SPEG: variants seen among roughly 807,000 people sequenced by gnomAD.
The protein encoded by SPEG is striated muscle preferentially expressed protein kinase.
SPEG carries 114 observed loss-of-function variants against 300.4 expected under a neutral mutation model. That is an observed-to-expected ratio of 0.38 (90% CI 0.33 to 0.44). The LOEUF is 0.44. Among genes scored for constraint, SPEG ranks in the 20% least tolerant of loss-of-function variants. The pLI is 1.00. For synonymous variants in SPEG, 1,964 were observed against 2,018.9 expected (o/e 0.97, Z 0.73); for missense variants, 4,201 against 4,586.2 (o/e 0.92, Z 2.43).
At chr2:219,453,793 TACCCTACAAGGC>T (rs1689958871) in intron 6 of SPEG, among the ~76,000 whole-genome samples, 1 of 152,234 alleles carries the variant, frequency 6.6e-6, no homozygotes, top group Admixed American at 6.5e-5. Context: ...CTGACTTTCT[TACCCTACAAGGC>T]ACTGTTTAGT....
intron 4 of SPEG, chr2:219,450,812 T>C (rs1689686472): frequency 4.9e-6 from 1 of 203,110 alleles, no homozygotes; most frequent in Non-Finnish European, 9.8e-6. Context: ...ACGCCATACA[T>C]GATGGCTGAC....
intron 10 of SPEG, 123 bp downstream of exon 10, chr2:219,467,557 TG>T: frequency 3.5e-6 from 4 of 1,156,742 alleles, no homozygotes; most frequent in Non-Finnish European, 3.7e-6. Context: ...CGGGGGAGGG[TG>T]GGAGCTAGTA....
At chr2:219,467,470 G>C (rs1691476812) in intron 10 of SPEG, 36 bp downstream of exon 10, 3 of 1,573,412 alleles carry the variant, frequency 1.9e-6, no homozygotes, top group Non-Finnish European at 2.6e-6. Flanking sequence ...TGCCGTGGGT[G>C]CCCAAGAGCT....
Position 219,473,347 on chromosome 2 carries a change from G to T in SPEG, c.4148-157G>T. The T allele has an allele frequency of 1.2e-6, 1 of 827,384 alleles. No individual in the cohort carries two copies. Among genetic ancestry groups the T allele is most frequent in the Non-Finnish European group, 1.9e-6 (1 of 526,648 alleles). The allele number at this position is 827,384 out of a possible 1,614,324, so 51.3% of individuals were successfully genotyped here. ...ACAACCTCAGCTTTGCTGCTCTCTG[G>T]CTGTGTTCCCCTGACAAATCGCTAA... On this transcript the variant is annotated intron_variant, in intron 16 of 40. Transcript: ENST00000312358. The surrounding 1 kb of genome is among the most constrained non-coding windows in gnomAD (Gnocchi z 4.6).
intron 13 of SPEG, among the ~76,000 whole-genome samples, chr2:219,470,208 G>A (rs1691747642): frequency 6.6e-6 from 1 of 152,196 alleles, no homozygotes; most frequent in Non-Finnish European, 1.5e-5. Flanking sequence ...CTATAAGGCG[G>A]ATACTATTAG....
intron 1 of SPEG, among the ~76,000 whole-genome samples, chr2:219,440,561 T>TTTTTTTTA (rs1553605123): frequency 7.0e-6 from 1 of 143,580 alleles, no homozygotes; most frequent in African/African-American, 2.6e-5. Flanking sequence ...ATTTATTTTA[T>TTTTTTTTA]TTTATTTATT....
rs1427141501 is a variant in SPEG at position 219,479,060 on chromosome 2, C to G, written c.5028-84C>G. ...CATTCTGTAAGGGGAAGGAGAACCC[C>G]GTGCTGAGCTGGGACCTGCCCTGAG... is the stretch of plus-strand genomic sequence containing the variant. On this transcript the variant is annotated intron_variant, in intron 22 of 40. Coordinates refer to ENST00000312358, the MANE Select transcript of SPEG (RefSeq NM_005876.5). This position sits in a 1 kb window ranked among gnomAD's most constrained non-coding sequence, Gnocchi z 5.5. The G allele has an allele frequency of 9.0e-6, 11 of 1,222,038 alleles. No individual in the cohort carries two copies. In the Admixed American group the frequency reaches 1.9e-4, roughly 21 times the overall value. The allele number at this position is 1,222,038 out of a possible 1,614,324, so 75.7% of individuals were successfully genotyped here. A position where few individuals can be genotyped will look rare whatever the true frequency, so the allele number is the denominator to read the frequency against.
chr2:219,435,521 G>C (rs1483988793), intron 1 of SPEG, among the ~76,000 whole-genome samples, 156 bp downstream of exon 1: 1 of 152,222 alleles, frequency 6.6e-6, no homozygotes, highest in Admixed American at 6.5e-5. Context: ...GAAGTGAGAC[G>C]AAGAGCCAAG....
At chr2:219,472,738 G>A (rs1278937971) in intron 15 of SPEG, 152 bp from the exon 16 acceptor site, 2 of 637,864 alleles carry the variant, frequency 3.1e-6, no homozygotes, top group Non-Finnish European at 5.4e-6. Flanking sequence ...GGCTGGGCAA[G>A]AGCAGATGGG....
At chr2:219,452,561 T>C (rs1689845662) in intron 6 of SPEG, among the ~76,000 whole-genome samples, 1 of 151,858 alleles carries the variant, frequency 6.6e-6, no homozygotes, top group Non-Finnish European at 1.5e-5. Context: ...GAAAACACAC[T>C]CAACCCTCAA....
In SPEG at chr2:219,451,817, C is replaced by T. The variant is rs1005832627; in HGVS notation, c.2440+10C>T. 12 of 1,523,532 alleles carry T rather than the reference C, an allele frequency of 7.9e-6. No homozygotes were observed. Among genetic ancestry groups the T allele is most frequent in the Non-Finnish European group, 1.1e-5 (12 of 1,130,858 alleles). 94.4% of individuals were successfully genotyped at this position (1,523,532 alleles called of 1,614,324 possible). A position where few individuals can be genotyped will look rare whatever the true frequency, so the allele number is the denominator to read the frequency against. On this transcript the variant is annotated intron_variant, in intron 6 of 40. Coordinates refer to ENST00000312358, the MANE Select transcript of SPEG (RefSeq NM_005876.5). This position sits in a 1 kb window ranked among gnomAD's most constrained non-coding sequence, Gnocchi z 6.4. ...CTGACCGTGAGACCCGGTAGGGAGC[C>T]CATCAACCCTGGGGCTGGGTGGGGG... is the stretch of plus-strand genomic sequence containing the variant.
chr2:219,440,987 G>T (rs1357065166), intron 1 of SPEG, among the ~76,000 whole-genome samples: 1 of 152,258 alleles, frequency 6.6e-6, no homozygotes, highest in Non-Finnish European at 1.5e-5. Flanking sequence ...TTGACTAAGT[G>T]ATAGGACTTC....
Position 219,448,579 on chromosome 2 carries a change from C to T in SPEG, c.1421C>T (p.Ala474Val). Reference protein sequence around the residue: ...AERRRLFQQKAASLDERTRQR... With the variant: ...AERRRLFQQKVASLDERTRQR... ...CGGCGCCGCCTGTTCCAGCAGAAAG[C>T]GGCCTCGCTGGACGAGCGCACGCGT... Residue 474 changes from alanine (A) to valine (V), a missense_variant, in exon 4 of 41, where the codon GCG becomes GTG. By Grantham distance (64) the Ala-to-Val change is moderately conservative. Transcript: ENST00000312358. 1.4e-6 allele frequency: 2 copies of T among 1,452,530 alleles called. No individual in the cohort carries two copies. The highest frequency in any genetic ancestry group is 2.9e-5 in the East Asian group (1 of 34,200). The allele number at this position is 1,452,530 out of a possible 1,614,324, so 90.0% of individuals were successfully genotyped here.
Position 219,444,662 on chromosome 2 carries a change from C to T in SPEG, c.398C>T (p.Thr133Met), listed in dbSNP as rs758282857. ...LTVLEVGDSETAEDDISDVQG... is the reference protein window; with the variant it reads ...LTVLEVGDSEMAEDDISDVQG... ...ACCCCTTCTTCTCCAGACTCAGAGA[C>T]GGCTGAGGATGACATCAGCGATGTG... Residue 133 changes from threonine (T) to methionine (M), a missense_variant, in exon 2 of 41, where the codon ACG becomes ATG. Around this residue, in one of 4 missense-constraint regions of SPEG, gnomAD observed 1,258 missense variants for 1,293.9 expected, o/e 0.97. Transcript: ENST00000312358. This position sits in a 1 kb window ranked among gnomAD's most constrained non-coding sequence, Gnocchi z 7.8. The T allele has an allele frequency of 7.4e-6, 12 of 1,613,776 alleles. No homozygotes were observed. The highest frequency in any genetic ancestry group is 1.3e-5 in the African/African-American group (1 of 74,904).
rs1211029922 is a variant in SPEG at position 219,483,083 on chromosome 2, G to GTA, written c.5635-14_5635-13dup. The GTA allele has an allele frequency of 2.5e-6, 4 of 1,600,532 alleles. No individual in the cohort carries two copies. The African/African-American group carries it at 5.4e-5, about 21-fold the overall frequency. Reference sequence around the variant, plus strand: ...CAGGGGTCCCTCAGGTCTGACTCCAGTACCCTGTCTCCAGCGCTCCCAGAT... The same window carrying GTA: ...CAGGGGTCCCTCAGGTCTGACTCCAGTATACCCTGTCTCCAGCGCTCCCAGAT... On this transcript the variant is annotated splice_polypyrimidine_tract_variant and intron_variant, in intron 29 of 40. Coordinates refer to ENST00000312358, the MANE Select transcript of SPEG (RefSeq NM_005876.5).
chr2:219,443,356 CT>C lies in SPEG; in HGVS notation c.389-1296del. On this transcript the variant is annotated intron_variant, in intron 1 of 40. Transcript: ENST00000312358. This position sits in a 1 kb window ranked among gnomAD's most constrained non-coding sequence, Gnocchi z 4.6. ...ACCCAGCAGAAGGGAGGGCGGCTCA[CT>C]AGCACACCCCTGCATGGACTGGGTG... The C allele has an allele frequency of 1.6e-6, 1 of 640,140 alleles. No individual in the cohort carries two copies. The highest frequency in any genetic ancestry group is 2.9e-6 in the Non-Finnish European group (1 of 348,904). The allele number at this position is 640,140 out of a possible 1,614,324, so 39.7% of individuals were successfully genotyped here.
chr2:219,477,781 G>C lies in SPEG; in HGVS notation c.4822G>C (p.Gly1608Arg), dbSNP rs1289884424. The change falls in exon 21 of 41, where the codon GGC (glycine) becomes CGC (arginine). Residue 1608 changes from glycine (G) to arginine (R), a missense_variant. Physicochemically the swap from Gly to Arg is moderately radical, Grantham distance 125. Coordinates refer to ENST00000312358, the MANE Select transcript of SPEG (RefSeq NM_005876.5). The surrounding 1 kb of genome is among the most constrained non-coding windows in gnomAD (Gnocchi z 6.4). ...SDFYDIHQEIGRGAFSYLRRI... is the reference protein window; with the variant it reads ...SDFYDIHQEIRRGAFSYLRRI... ...CTTTTATGACATCCACCAGGAGATC[G>C]GCAGGTGTGGGGCTAGGAGGGAAGC... 6.2e-7 allele frequency: 1 copy of C among 1,606,690 alleles called. No individual in the cohort carries two copies. The highest frequency in any genetic ancestry group is 8.5e-7 in the Non-Finnish European group (1 of 1,175,546).
chr2:219,463,599 G>A (rs1690957056), intron 8 of SPEG, among the ~76,000 whole-genome samples: 1 of 150,942 alleles, frequency 6.6e-6, no homozygotes, highest in African/African-American at 2.4e-5. Flanking sequence ...TTTTTGTAGA[G>A]GCAGGGTTTC....
rs1223081979 is a variant in SPEG, at chr2:219,477,389, C to T, written c.4673C>T (p.Thr1558Ile). 3 of 1,609,294 alleles carry T rather than the reference C, an allele frequency of 1.9e-6. No homozygotes were observed. Among genetic ancestry groups the T allele is most frequent in the South Asian group, 2.2e-5 (2 of 90,166 alleles). The change falls in exon 20 of 41, where the codon ACC (threonine) becomes ATC (isoleucine). Residue 1558 changes from threonine (T) to isoleucine (I), a missense_variant. By Grantham distance (89) the Thr-to-Ile change is moderately conservative (BLOSUM62 -1). Coordinates refer to ENST00000312358, the MANE Select transcript of SPEG (RefSeq NM_005876.5). The surrounding 1 kb of genome is among the most constrained non-coding windows in gnomAD (Gnocchi z 6.4). ...CAGGATGGAGGCGTCTACACCTGCA[C>T]CGCCCAGAACCTGGCGGGTGAGGTC... ...GAQDGGVYTC[T>I]AQNLAGEVSC... is the part of the protein sequence containing the mutation.
Sources: allele counts gnomAD v4.1 joint callset (sites outside exome capture counted in the v4.1 genomes callset), GRCh38; gene constraint gnomAD v4.1.1; regional missense constraint gnomAD v4.1.1; non-coding constraint Gnocchi (gnomAD v3.1); transcripts MANE v1.5; gene names NCBI Gene and HGNC (gene_info 2026-07-23, HGNC 2026-07-21).